CPSF2: variants seen among roughly 807,000 people sequenced by gnomAD.
CPSF2 encodes the protein cleavage and polyadenylation specificity factor subunit 2.
Under a neutral mutation model 84.2 loss-of-function variants are expected in CPSF2, and 51 were observed. The ratio of observed to expected loss-of-function variants is 0.61; its 90% CI spans 0.48 to 0.77. The LOEUF (loss-of-function observed/expected upper bound fraction) is 0.77, where lower values mean the gene tolerates loss of function less well. Ranked by LOEUF, CPSF2 falls within the 30% of genes least tolerant of loss-of-function variation. The probability of loss-of-function intolerance (pLI) is 0.00; values close to 1 mark genes in which losing one functional copy is unlikely to be tolerated. For synonymous variants in CPSF2, 286 were observed against 311.9 expected (o/e 0.92, Z 0.87); for missense variants, 641 against 929.4 (o/e 0.69, Z 4.03).
rs1359470452 is a variant in CPSF2, at chr14:92,166,578, C to G, written c.*4834C>G. ...TGCCCAAGCTGGTCATCTCAAACTTCCAGACTCAAACAATACTCCCACTTT... is the reference window on the plus strand; with the variant it reads ...TGCCCAAGCTGGTCATCTCAAACTTGCAGACTCAAACAATACTCCCACTTT... On this transcript the variant is annotated 3_prime_UTR_variant, in exon 16 of 16. Coordinates refer to ENST00000298875, the MANE Select transcript of CPSF2 (RefSeq NM_017437.3). 1.3e-5 allele frequency: 2 copies of G among 152,084 alleles called. No individual in the cohort carries two copies. Among genetic ancestry groups the G allele is most frequent in the African/African-American group, 4.8e-5 (2 of 41,412 alleles). 9.4% of individuals were successfully genotyped at this position (152,084 alleles called of 1,614,324 possible). A position where few individuals can be genotyped will look rare whatever the true frequency, so the allele number is the denominator to read the frequency against.
Position 92,159,156 on chromosome 14 carries a change from A to C in CPSF2, c.1995A>C (p.Glu665Asp). 2 of 1,614,096 alleles carry C rather than the reference A, an allele frequency of 1.2e-6. No individual in the cohort carries two copies. Among genetic ancestry groups the C allele is most frequent in the Non-Finnish European group, 8.5e-7 (1 of 1,179,986 alleles). The change falls in exon 14 of 16, where the codon GAA becomes GAC. Residue 665 changes from glutamate (E) to aspartate (D), a missense_variant. Transcript: ENST00000298875. ...DDGEDSEMQVEAPSDSSVIAQ... is the reference protein window; with the variant it reads ...DDGEDSEMQVDAPSDSSVIAQ... ...GAGAAGACTCAGAGATGCAAGTGGAAGCTCCCTCAGATTCTAGCGTTATAG... is the reference window on the plus strand; with the variant it reads ...GAGAAGACTCAGAGATGCAAGTGGACGCTCCCTCAGATTCTAGCGTTATAG...
chr14:92,161,743 A>T lies in CPSF2; in HGVS notation c.2348A>T (p.Ter783LeuextTer3), dbSNP rs1437917641. ...DLLYEQYAIV[*>L] The stretch of plus-strand genomic sequence containing the variant: ...TTATATGAACAATATGCCATTGTAT[A>T]AAGGACATGATGTCAAGAAGTATCT... The change falls in exon 16 of 16, where the codon TAA (stop) becomes TTA (leucine). Residue 783 changes from the stop codon to leucine (L), a stop_lost. Coordinates refer to ENST00000298875, the MANE Select transcript of CPSF2 (RefSeq NM_017437.3). The T allele has an allele frequency of 2.0e-6, 3 of 1,523,350 alleles. No individual in the cohort carries two copies. The highest frequency in any genetic ancestry group is 2.7e-6 in the Non-Finnish European group (3 of 1,119,912). The allele number at this position is 1,523,350 out of a possible 1,614,324, so 94.4% of individuals were successfully genotyped here.
At chr14:92,149,995 G>C (rs917958211) in intron 9 of CPSF2, among the ~76,000 whole-genome samples, 1 of 152,116 alleles carries the variant, frequency 6.6e-6, no homozygotes, top group African/African-American at 2.4e-5. Context: ...GACAAGATGG[G>C]AAGTATTAAT....
intron 9 of CPSF2, among the ~76,000 whole-genome samples, chr14:92,151,197 G>C (rs2069210563): frequency 6.6e-6 from 1 of 152,116 alleles, no homozygotes; most frequent in African/African-American, 2.4e-5. Flanking sequence ...TTCAAGACTA[G>C]TCTGGATAAC....
rs1469136628 is a variant in CPSF2 at position 92,168,827 on chromosome 14, T to A, written c.*7083T>A. ...GGAGGATCACTTGAGCCTGGGGAGGTTGAGACTGCACTGAGTCTTGAATGA... is the reference window on the plus strand; with the variant it reads ...GGAGGATCACTTGAGCCTGGGGAGGATGAGACTGCACTGAGTCTTGAATGA... On this transcript the variant is annotated 3_prime_UTR_variant, in exon 16 of 16. Transcript: ENST00000298875. 1 of 152,056 alleles carries A rather than the reference T, an allele frequency of 6.6e-6. No individual in the cohort carries two copies. The highest frequency in any genetic ancestry group is 1.5e-5 in the Non-Finnish European group (1 of 68,008). The allele number at this position is 152,056 out of a possible 1,614,324, so 9.4% of individuals were successfully genotyped here.
At chr14:92,138,426 G>T (rs552516979) in intron 7 of CPSF2, 79 bp downstream of exon 7, 3 of 687,450 alleles carry the variant, frequency 4.4e-6, no homozygotes, top group South Asian at 3.3e-5. Flanking sequence ...GTACATAAAA[G>T]TACAGGTTTC....
chr14:92,145,432 A>G (rs1567021931), intron 9 of CPSF2, among the ~76,000 whole-genome samples: 1 of 152,188 alleles, frequency 6.6e-6, no homozygotes, highest in Non-Finnish European at 1.5e-5. Flanking sequence ...TTTTAAGGAA[A>G]GTTTAGTTTG....
chr14:92,134,250 T>G lies in CPSF2; in HGVS notation c.310T>G (p.Ser104Ala), dbSNP rs778247450. 1.2e-6 allele frequency: 2 copies of G among 1,612,864 alleles called. No homozygotes were observed. Among genetic ancestry groups the G allele is most frequent in the Non-Finnish European group, 8.5e-7 (1 of 1,178,938 alleles). ...GQMFMYDLYQ[S>A]RHNTEDFTLF... ...ACCTTTATTTGTGTTATTCTTTTAG[T>G]CTCGACACAATACAGAAGATTTTAC... Residue 104 changes from serine to alanine, a missense_variant and splice_region_variant, in exon 5 of 16, where the codon TCT (serine) becomes GCT (alanine). Physicochemically the swap from Ser to Ala is moderately conservative, Grantham distance 99. Around this residue, in one of 2 missense-constraint regions of CPSF2, gnomAD observed 211 missense variants for 375.7 expected, o/e 0.56. Transcript: ENST00000298875.
At chr14:92,153,526 T>G (rs2069247911) in intron 9 of CPSF2, among the ~76,000 whole-genome samples, 1 of 152,102 alleles carries the variant, frequency 6.6e-6, no homozygotes. Context: ...TACTCCAAAT[T>G]ATAAAAATGC....
rs758417709 is a variant in CPSF2, at chr14:92,142,990, TC to T, written c.850-8del. On this transcript the variant is annotated splice_polypyrimidine_tract_variant and intron_variant, in intron 8 of 15. Coordinates refer to ENST00000298875, the MANE Select transcript of CPSF2 (RefSeq NM_017437.3). ...TAGTATTTCTAATTCTTGTCATCTT[TC>T]CCCCCATGTTAGGTAGAATGGATGA... is the stretch of plus-strand genomic sequence containing the variant. 1.9e-6 allele frequency: 3 copies of T among 1,576,960 alleles called. No homozygotes were observed. Among genetic ancestry groups the T allele is most frequent in the South Asian group, 1.1e-5 (1 of 87,344 alleles).
At chr14:92,143,762 T>A (rs1014335340) in intron 9 of CPSF2, among the ~76,000 whole-genome samples, 1 of 148,716 alleles carries the variant, frequency 6.7e-6, no homozygotes, top group African/African-American at 2.5e-5. Context: ...TGTGCCACCA[T>A]GCCTGGCTAT....
At chr14:92,136,270 C>G (rs1433172962) in intron 6 of CPSF2, among the ~76,000 whole-genome samples, 2 of 151,990 alleles carry the variant, frequency 1.3e-5, no homozygotes, top group African/African-American at 4.8e-5. Flanking sequence ...ATATTTAAGA[C>G]AAATAGACTG....
chr14:92,149,609 T>G (rs1433529307), intron 9 of CPSF2, among the ~76,000 whole-genome samples: 1 of 151,996 alleles, frequency 6.6e-6, no homozygotes, highest in Non-Finnish European at 1.5e-5. Flanking sequence ...AAAAAGTCCT[T>G]GAGGGAATAG....
intron 14 of CPSF2, 149 bp from the exon 15 acceptor site, chr14:92,160,963 T>G: frequency 3.0e-6 from 2 of 666,830 alleles, no homozygotes; most frequent in Non-Finnish European, 2.4e-6. Context: ...ACTTGGAATG[T>G]GATTTACAGT....
chr14:92,160,794 G>A (rs2025072), intron 14 of CPSF2, among the ~76,000 whole-genome samples: 1 of 151,962 alleles, frequency 6.6e-6, no homozygotes, highest in Non-Finnish European at 1.5e-5. Flanking sequence ...CCCATGGCAC[G>A]CTAGTTGACC....
At chr14:92,161,527 T>C in intron 15 of CPSF2, 125 bp from the exon 16 acceptor site, 1 of 642,178 alleles carries the variant, frequency 1.6e-6, no homozygotes. Context: ...ATCCATATGC[T>C]GTGAATCAGA....
chr14:92,149,397 C>CAT (rs3031763), intron 9 of CPSF2, among the ~76,000 whole-genome samples: 30,355 of 152,074 alleles, frequency 0.2, 3,383 homozygotes, highest in East Asian at 0.53. Context: ...GCCTGGGCAA[C>CAT]AGCAACACTC....
At chr14:92,129,760 C>A (rs1046173218) in intron 2 of CPSF2, among the ~76,000 whole-genome samples, 2 of 151,874 alleles carry the variant, frequency 1.3e-5, no homozygotes, top group Middle Eastern at 3.4e-3. Flanking sequence ...ACTTTGTTGC[C>A]CAGTCTAGGG....
chr14:92,137,651 G>T lies in CPSF2; in HGVS notation c.546-581G>T, dbSNP rs376334459. ...GTATTAACAGTAAATACATTTTTAG[G>T]AATGTGACCTAAAGAAACAATCAGA... On this transcript the variant is annotated intron_variant, in intron 6 of 15. Transcript: ENST00000298875. 2.2e-4 allele frequency among the ~76,000 whole-genome samples: 33 copies of T among 152,254 alleles called. 1 individual carries two copies. The highest frequency in any genetic ancestry group is 6.7e-4 in the African/African-American group (28 of 41,540).
Sources: gnomAD v4.1 joint callset for allele counts (sites outside exome capture counted in the v4.1 genomes callset) on GRCh38, gnomAD v4.1.1 for gene constraint, gnomAD v4.1.1 regional missense constraint, MANE v1.5 for transcripts, NCBI Gene and HGNC (gene_info 2026-07-23, HGNC 2026-07-21) for gene names.